PAAF1: variants seen among roughly 807,000 people sequenced by gnomAD.
PAAF1 encodes proteasomal ATPase associated factor 1.
PAAF1 carries 46 observed loss-of-function variants against 52.8 expected under a neutral mutation model. The ratio of observed to expected loss-of-function variants is 0.87; its 90% confidence interval spans 0.69 to 1.11. The LOEUF (loss-of-function observed/expected upper bound fraction) is 1.11. PAAF1 is among the 50% of genes most tolerant of loss of function. PAAF1 has a pLI of 0.00. For synonymous variants in PAAF1, 178 were observed against 172.8 expected (o/e 1.03, Z -0.24); for missense variants, 424 against 477.4 (o/e 0.89, Z 1.04).
At chr11:73,900,225 G>A (rs1489448980) in intron 5 of PAAF1, 45 bp from the exon 6 acceptor site, 1 of 1,548,890 alleles carries the variant, frequency 6.5e-7, no homozygotes, top group Non-Finnish European at 8.8e-7. Context: ...GAACATCAAG[G>A]GATGGACAAG....
chr11:73,919,590 T>C (rs971182081), intron 10 of PAAF1, among the ~76,000 whole-genome samples: 1 of 152,230 alleles, frequency 6.6e-6, no homozygotes, highest in African/African-American at 2.4e-5. Flanking sequence ...TGCTATGTAG[T>C]AGGTACTGTG....
At chr11:73,893,217 G>A (rs943168480) in intron 4 of PAAF1, among the ~76,000 whole-genome samples, 1 of 152,182 alleles carries the variant, frequency 6.6e-6, no homozygotes, top group African/African-American at 2.4e-5. Context: ...AAGTCATAGG[G>A]TGTGGGAATT....
At position 73,906,441 on chromosome 11, in the gene PAAF1, G is replaced by A. The variant is rs1282055093; in HGVS notation, c.533-2958G>A. ...CTAATTTTTGTATTTTAGTAGAGAC[G>A]GGTTTCGCTACGTTGGCCAGGCTGG... is the stretch of plus-strand genomic sequence containing the variant. On this transcript the variant is annotated intron_variant, in intron 6 of 11. Coordinates refer to ENST00000310571, the MANE Select transcript of PAAF1 (RefSeq NM_025155.3). Among the ~76,000 whole-genome samples, 7 of 152,166 alleles carry A rather than the reference G, an allele frequency of 4.6e-5. No homozygotes were observed. In the East Asian group the frequency reaches 5.8e-4, roughly 13 times the overall value.
intron 2 of PAAF1, chr11:73,886,969 T>C: frequency 2.3e-6 from 1 of 428,516 alleles, no homozygotes; most frequent in Non-Finnish European, 4.6e-6. Flanking sequence ...TTCTCTCTCT[T>C]ACTTCCTCTC....
At chr11:73,904,495 G>A (rs559974199) in intron 6 of PAAF1, among the ~76,000 whole-genome samples, 33 of 152,126 alleles carry the variant, frequency 2.2e-4, no homozygotes, top group African/African-American at 7.7e-4. Context: ...TAATGGTAGT[G>A]GAAATGCTTA....
At chr11:73,918,511 C>G (rs145690792) in intron 9 of PAAF1, among the ~76,000 whole-genome samples, 30 of 147,572 alleles carry the variant, frequency 2.0e-4, no homozygotes, top group Non-Finnish European at 4.3e-4. Flanking sequence ...GAGTCTTGCT[C>G]TGTAGCCCAG....
chr11:73,909,343 C>T (rs1949862439), intron 6 of PAAF1, 56 bp from the exon 7 acceptor site: 1 of 1,522,178 alleles, frequency 6.6e-7, no homozygotes, highest in African/African-American at 1.4e-5. Flanking sequence ...ATCTTCTCTG[C>T]CCTTGTAGTT....
intron 10 of PAAF1, chr11:73,921,629 T>C: frequency 1.5e-6 from 1 of 678,772 alleles, no homozygotes; most frequent in Non-Finnish European, 2.8e-6. Context: ...CCCAGGGCTC[T>C]GGAGATGGTG....
intron 5 of PAAF1, 92 bp from the exon 6 acceptor site, chr11:73,900,178 G>A: frequency 2.2e-6 from 3 of 1,342,186 alleles, no homozygotes; most frequent in South Asian, 1.6e-5. Flanking sequence ...TAGCATGTAG[G>A]TATTTCATAT....
At chr11:73,906,755 T>C (rs544003093) in intron 6 of PAAF1, among the ~76,000 whole-genome samples, 2 of 152,334 alleles carry the variant, frequency 1.3e-5, no homozygotes, top group Non-Finnish European at 2.9e-5. Context: ...GTTAATCACA[T>C]TGGATTGGCA....
chr11:73,926,550 A>G (rs1315374038), intron 11 of PAAF1, among the ~76,000 whole-genome samples: 1 of 152,104 alleles, frequency 6.6e-6, no homozygotes, highest in African/African-American at 2.4e-5. Context: ...TCTACTAACA[A>G]TACAAAAAAT....
chr11:73,892,750 CCT>C (rs1161339670), intron 4 of PAAF1, among the ~76,000 whole-genome samples: 8 of 152,184 alleles, frequency 5.3e-5, no homozygotes, highest in Non-Finnish European at 1.2e-4. Context: ...AGCTCCACCT[CCT>C]GGGTTCACAC....
rs1950440803 is a variant in PAAF1, at chr11:73,930,376, AAAAAAAAG to A, written c.*3027_*3034del. The A allele has an allele frequency of 6.7e-6, 1 of 148,646 alleles. No individual in the cohort carries two copies. The allele number at this position is 148,646 out of a possible 1,614,324, so 9.2% of individuals were successfully genotyped here. ...CAGAGCGAGGCTCTATCTCAAGAAA[AAAAAAAAG>A]AAAAAAAGAAAACAGGAAGAAATGT... On this transcript the variant is annotated 3_prime_UTR_variant, in exon 12 of 12. Transcript: ENST00000310571.
At chr11:73,904,034 A>G (rs1249261266) in intron 6 of PAAF1, among the ~76,000 whole-genome samples, 1 of 151,924 alleles carries the variant, frequency 6.6e-6, no homozygotes, top group African/African-American at 2.4e-5. Context: ...CATTGAGCCA[A>G]GATTGCACTA....
intron 6 of PAAF1, among the ~76,000 whole-genome samples, chr11:73,907,578 G>A (rs955786848): frequency 3.9e-5 from 6 of 152,182 alleles, no homozygotes; most frequent in African/African-American, 1.4e-4. Flanking sequence ...CTTTGTGCCT[G>A]TCACTGCCAG....
intron 6 of PAAF1, among the ~76,000 whole-genome samples, chr11:73,909,197 C>T (rs147090224): frequency 1.2e-4 from 18 of 152,302 alleles, no homozygotes; most frequent in African/African-American, 3.1e-4. Context: ...TTTTCCATGC[C>T]TGTCTTTCAC....
chr11:73,911,984 T>G (rs976446284), intron 7 of PAAF1, among the ~76,000 whole-genome samples: 1 of 152,156 alleles, frequency 6.6e-6, no homozygotes, highest in South Asian at 2.1e-4. Flanking sequence ...GTGCTTGTCT[T>G]TCTGAATTCA....
At chr11:73,913,996 G>A (rs1429780958) in intron 7 of PAAF1, among the ~76,000 whole-genome samples, 2 of 152,100 alleles carry the variant, frequency 1.3e-5, no homozygotes, top group East Asian at 1.9e-4. Context: ...ACTGTGGGGT[G>A]CTATGTTTGT....
At chr11:73,881,680 T>TTCAACA (rs1427689929) in intron 2 of PAAF1, among the ~76,000 whole-genome samples, 1 of 152,150 alleles carries the variant, frequency 6.6e-6, no homozygotes, top group African/African-American at 2.4e-5. Flanking sequence ...CCAAGCTACC[T>TTCAACA]TCAACAACCA....
Sources: allele counts gnomAD v4.1 joint callset (sites outside exome capture counted in the v4.1 genomes callset), GRCh38; gene constraint gnomAD v4.1.1; transcripts MANE v1.5; gene names NCBI Gene and HGNC (gene_info 2026-07-23, HGNC 2026-07-21).